SLC2A13: variants seen among roughly 807,000 people sequenced by gnomAD.
SLC2A13 encodes proton myo-inositol cotransporter.
SLC2A13 carries 32 observed loss-of-function variants against 64.4 expected under a neutral mutation model. The ratio of observed to expected loss-of-function variants is 0.50; its 90% confidence interval spans 0.37 to 0.67. SLC2A13 has a LOEUF of 0.67. SLC2A13 is among the 30% of genes least tolerant of loss of function. SLC2A13 has a pLI of 0.00. For synonymous variants in SLC2A13, 338 were observed against 327.1 expected (o/e 1.03, Z -0.36); for missense variants, 743 against 829.2 (o/e 0.90, Z 1.28).
At chr12:39,818,675 C>T (rs1419628451) in intron 7 of SLC2A13, among the ~76,000 whole-genome samples, 1 of 151,942 alleles carries the variant, frequency 6.6e-6, no homozygotes, top group Non-Finnish European at 1.5e-5. Flanking sequence ...TTTATAAATA[C>T]CAAGGTTTGG....
chr12:39,810,624 A>G (rs1055436337), intron 7 of SLC2A13, among the ~76,000 whole-genome samples: 3 of 152,156 alleles, frequency 2.0e-5, no homozygotes, highest in African/African-American at 7.2e-5. Flanking sequence ...AAGAGATGTT[A>G]TGTATCAGGT....
At chr12:39,767,585 G>A (rs780837038) in intron 7 of SLC2A13, among the ~76,000 whole-genome samples, 1 of 151,990 alleles carries the variant, frequency 6.6e-6, no homozygotes, top group Non-Finnish European at 1.5e-5. Context: ...GTCCTGGATG[G>A]TATCTTCTTC....
chr12:39,998,456 C>A (rs1947269292), intron 3 of SLC2A13, among the ~76,000 whole-genome samples: 1 of 152,196 alleles, frequency 6.6e-6, no homozygotes, highest in Admixed American at 6.5e-5. Flanking sequence ...TGTGGGAACC[C>A]ACCTTTTGCA....
At chr12:40,002,722 T>A (rs1326955147) in intron 3 of SLC2A13, among the ~76,000 whole-genome samples, 1 of 151,996 alleles carries the variant, frequency 6.6e-6, no homozygotes, top group African/African-American at 2.4e-5. Context: ...CTGAGGAAGG[T>A]AAAGACACAG....
chr12:39,891,160 A>G (rs1009812806), intron 4 of SLC2A13, among the ~76,000 whole-genome samples: 7 of 149,670 alleles, frequency 4.7e-5, no homozygotes, highest in African/African-American at 1.5e-4. Context: ...TGCATCTAGG[A>G]TGCTTGTCCT....
chr12:39,796,523 C>CT (rs555220365), intron 7 of SLC2A13, among the ~76,000 whole-genome samples: 1 of 151,556 alleles, frequency 6.6e-6, no homozygotes, highest in East Asian at 1.9e-4. Flanking sequence ...CCACTTTTTC[C>CT]TTTTTTTCCA....
chr12:39,878,680 A>T (rs1316009514), intron 4 of SLC2A13, among the ~76,000 whole-genome samples: 1 of 152,242 alleles, frequency 6.6e-6, no homozygotes, highest in Non-Finnish European at 1.5e-5. Context: ...GCTTATATTT[A>T]TAAGGTAGGC....
At position 40,002,353 on chromosome 12, in the gene SLC2A13, AC is replaced by A. The variant is rs201268652; in HGVS notation, c.925+25947del. Among the ~76,000 whole-genome samples, 341 of 152,272 alleles carry A rather than the reference AC, an allele frequency of 2.2e-3. 4 individuals carry two copies. The highest frequency in any genetic ancestry group is 0.02 in the Admixed American group (311 of 15,296). On this transcript the variant is annotated intron_variant, in intron 3 of 9. Coordinates refer to ENST00000280871, the MANE Select transcript of SLC2A13 (RefSeq NM_052885.4). ...AAAAAGTGGCAAAGTCCCAATTCACACCCAGCTCTGTTTGACTCCAAAGTCT... is the reference window on the plus strand; with the variant it reads ...AAAAAGTGGCAAAGTCCCAATTCACACCAGCTCTGTTTGACTCCAAAGTCT...
At chr12:39,904,758 ATTTAT>A (rs946790770) in intron 4 of SLC2A13, among the ~76,000 whole-genome samples, 15 of 152,112 alleles carry the variant, frequency 9.9e-5, no homozygotes, top group African/African-American at 3.6e-4. Context: ...AAAATGTTCT[ATTTAT>A]TTTAATATCT....
At chr12:39,822,199 T>C (rs944954692) in intron 7 of SLC2A13, among the ~76,000 whole-genome samples, 3 of 151,836 alleles carry the variant, frequency 2.0e-5, no homozygotes, top group African/African-American at 7.3e-5. Flanking sequence ...GATAGTTTAC[T>C]GAGAATGATG....
chr12:39,966,690 G>A (rs1946522704), intron 3 of SLC2A13, among the ~76,000 whole-genome samples: 1 of 152,116 alleles, frequency 6.6e-6, no homozygotes, highest in African/African-American at 2.4e-5. Context: ...CCATTCTGAT[G>A]GCCATAGCAC....
At chr12:39,868,715 C>T (rs1262129685) in intron 5 of SLC2A13, among the ~76,000 whole-genome samples, 1 of 152,098 alleles carries the variant, frequency 6.6e-6, no homozygotes, top group Non-Finnish European at 1.5e-5. Flanking sequence ...TCCAAATCTT[C>T]CAATATTAAA....
chr12:39,904,373 T>C (rs1437545280), intron 4 of SLC2A13, among the ~76,000 whole-genome samples: 1 of 152,138 alleles, frequency 6.6e-6, no homozygotes. Flanking sequence ...TTTATATCAG[T>C]GTAGGAAACT....
In SLC2A13 at chr12:39,974,041, C is replaced by A. The variant is rs149430705; in HGVS notation, c.926-22676G>T. On this transcript the variant is annotated intron_variant, in intron 3 of 9. Coordinates refer to ENST00000280871, the MANE Select transcript of SLC2A13 (RefSeq NM_052885.4). ...CCTCAGTTTCTGTAAGAGTTCTACC[C>A]TACCAACCCTACCAGCAGCAGCAGT... Among the ~76,000 whole-genome samples, 346 of 152,322 alleles carry A rather than the reference C, an allele frequency of 2.3e-3. 1 individual carries two copies. The highest frequency in any genetic ancestry group is 8.0e-3 in the African/African-American group (334 of 41,570).
intron 3 of SLC2A13, among the ~76,000 whole-genome samples, chr12:39,984,166 C>G (rs1229038804): frequency 7.0e-6 from 1 of 143,706 alleles, no homozygotes; most frequent in Non-Finnish European, 1.5e-5. Context: ...ATATCACAAT[C>G]TGGGGACTGT....
chr12:39,917,805 G>T (rs1945545751), intron 4 of SLC2A13, among the ~76,000 whole-genome samples: 1 of 151,716 alleles, frequency 6.6e-6, no homozygotes, highest in South Asian at 2.1e-4. Flanking sequence ...CAATCTTATT[G>T]GTTCTGTTTC....
chr12:39,982,657 A>T (rs1233760564), intron 3 of SLC2A13, among the ~76,000 whole-genome samples: 1 of 148,278 alleles, frequency 6.7e-6, no homozygotes, highest in African/African-American at 2.5e-5. Context: ...ACTACAAACC[A>T]CTGCTCAAGG....
intron 7 of SLC2A13, among the ~76,000 whole-genome samples, chr12:39,813,402 T>A (rs141646124): frequency 6.6e-6 from 1 of 152,120 alleles, no homozygotes; most frequent in South Asian, 2.1e-4. Flanking sequence ...TGTAAACACA[T>A]GGCCAATGAC....
At position 39,895,774 on chromosome 12, in the gene SLC2A13, ATGCGTG is replaced by A. The variant is rs1292393827; in HGVS notation, c.1035-23819_1035-23814del. On this transcript the variant is annotated intron_variant, in intron 4 of 9. Coordinates refer to ENST00000280871, the MANE Select transcript of SLC2A13 (RefSeq NM_052885.4). Reference sequence around the variant, plus strand: ...TGCGTGTATACGTACACACATGTATATGCGTGTATACGTACACACATGTATATGCGT... The same window carrying A: ...TGCGTGTATACGTACACACATGTATATATACGTACACACATGTATATGCGT... Among the ~76,000 whole-genome samples the A allele has an allele frequency of 6.7e-3, 623 of 92,438 alleles. 176 individuals are homozygous for A. Among genetic ancestry groups the A allele is most frequent in the African/African-American group, 0.025 (576 of 23,408 alleles). The allele number at this position is 92,438 out of a possible 152,430, so 60.6% of individuals were successfully genotyped here.
Sources: allele counts gnomAD v4.1 joint callset (sites outside exome capture counted in the v4.1 genomes callset), GRCh38; gene constraint gnomAD v4.1.1; transcripts MANE v1.5; gene names NCBI Gene and HGNC (gene_info 2026-07-23, HGNC 2026-07-21).